SGCZ: variants seen among roughly 807,000 people sequenced by gnomAD.
SGCZ encodes the protein sarcoglycan zeta.
A neutral mutation model predicts 41.3 loss-of-function variants in SGCZ; 40 were observed. The observed-to-expected ratio is 0.97, with a 90% CI of 0.75 to 1.26. The LOEUF (loss-of-function observed/expected upper bound fraction) is 1.26. SGCZ is among the 50% of genes most tolerant of loss of function. SGCZ has a pLI of 0.00. For missense variants in SGCZ, 552 were observed against 369.8 expected (o/e 1.49, Z -4.04); for synonymous variants, 206 against 137.5 (o/e 1.50, Z -3.49).
chr8:14,376,735 T>A lies in SGCZ; in HGVS notation c.235-52531A>T, dbSNP rs550660146. ...ATAAAGGTGCCATAAAAGAAGAAAA[T>A]TACCAAACAACATTACCTACAAATA... is the stretch of plus-strand genomic sequence containing the variant. On this transcript the variant is annotated intron_variant, in intron 2 of 7. Coordinates refer to ENST00000382080, the MANE Select transcript of SGCZ (RefSeq NM_139167.4). 2.2e-3 allele frequency among the ~76,000 whole-genome samples: 329 copies of A among 152,118 alleles called. 7 individuals carry two copies. The highest frequency in any genetic ancestry group is 0.018 in the South Asian group (87 of 4,814).
chr8:14,926,327 T>G (rs1799748882), intron 1 of SGCZ, among the ~76,000 whole-genome samples: 1 of 152,206 alleles, frequency 6.6e-6, no homozygotes, highest in Non-Finnish European at 1.5e-5. Flanking sequence ...AATTGTTATA[T>G]CTAATCTAGG....
chr8:15,090,591 A>G (rs1000655223), intron 1 of SGCZ, among the ~76,000 whole-genome samples: 2 of 152,192 alleles, frequency 1.3e-5, no homozygotes, highest in African/African-American at 4.8e-5. Flanking sequence ...CTATGCTCTC[A>G]TGTTAGTAAT....
chr8:14,278,043 T>G (rs1800296652), intron 3 of SGCZ, among the ~76,000 whole-genome samples: 1 of 152,134 alleles, frequency 6.6e-6, no homozygotes, highest in Non-Finnish European at 1.5e-5. Context: ...AAGACTACCT[T>G]TGTTCACAGT....
chr8:14,196,851 A>T (rs924925138), intron 4 of SGCZ, among the ~76,000 whole-genome samples: 16 of 152,218 alleles, frequency 1.1e-4, no homozygotes, highest in African/African-American at 3.9e-4. Flanking sequence ...ATGAAAACAA[A>T]ATTGAATACT....
chr8:14,826,278 G>A (rs972001217), intron 1 of SGCZ, among the ~76,000 whole-genome samples: 2 of 151,936 alleles, frequency 1.3e-5, no homozygotes, highest in African/African-American at 4.8e-5. Context: ...ATTTTTTATG[G>A]CTACATAGTA....
chr8:14,961,263 C>G lies in SGCZ; in HGVS notation c.39+276322G>C, dbSNP rs1198358504. ...ATCTCTCCGAATCCTAAATACCAGC[C>G]TAGACTCAAATGGACTGCCTACTGA... On this transcript the variant is annotated intron_variant, in intron 1 of 7. Transcript: ENST00000382080. 2.0e-5 allele frequency among the ~76,000 whole-genome samples: 3 copies of G among 152,092 alleles called. No individual in the cohort carries two copies. In the South Asian group the frequency reaches 6.2e-4, roughly 32 times the overall value.
At chr8:14,394,156 T>G (rs1210535826) in intron 2 of SGCZ, among the ~76,000 whole-genome samples, 2 of 97,588 alleles carry the variant, frequency 2.0e-5, no homozygotes, top group East Asian at 2.3e-4. Flanking sequence ...TTTTTTTTTT[T>G]TTTTTTTTTT....
chr8:14,749,283 C>T (rs1585229333), intron 1 of SGCZ, among the ~76,000 whole-genome samples: 1 of 152,128 alleles, frequency 6.6e-6, no homozygotes, highest in Non-Finnish European at 1.5e-5. Flanking sequence ...GTTAGAATGG[C>T]CGCCAGAGTT....
intron 1 of SGCZ, among the ~76,000 whole-genome samples, chr8:14,783,526 T>A (rs144222480): frequency 6.6e-6 from 1 of 152,190 alleles, no homozygotes; most frequent in East Asian, 1.9e-4. Context: ...TCACTTCTTT[T>A]CAGCTTTTCT....
chr8:14,948,294 G>A (rs1014523361), intron 1 of SGCZ, among the ~76,000 whole-genome samples: 5 of 152,068 alleles, frequency 3.3e-5, no homozygotes, highest in East Asian at 1.9e-4. Context: ...TGAGAACTGG[G>A]TATTCTCTCT....
chr8:14,733,042 G>T (rs910323195), intron 1 of SGCZ, among the ~76,000 whole-genome samples: 3 of 151,716 alleles, frequency 2.0e-5, no homozygotes, highest in East Asian at 3.9e-4. Context: ...GACGCTCAGG[G>T]TTCTATCACT....
chr8:15,186,949 T>G (rs1489022784), intron 1 of SGCZ, among the ~76,000 whole-genome samples: 1 of 152,166 alleles, frequency 6.6e-6, no homozygotes, highest in Non-Finnish European at 1.5e-5. Flanking sequence ...AATCACTTTT[T>G]TCATGATATA....
chr8:14,107,560 T>G (rs566336066), intron 6 of SGCZ, among the ~76,000 whole-genome samples: 2 of 152,344 alleles, frequency 1.3e-5, no homozygotes, highest in South Asian at 4.1e-4. Context: ...CTATTTGCCC[T>G]GTCTTTATTC....
chr8:15,059,374 T>C (rs971177812), intron 1 of SGCZ, among the ~76,000 whole-genome samples: 12 of 152,198 alleles, frequency 7.9e-5, no homozygotes, highest in African/African-American at 2.7e-4. Flanking sequence ...AAAGAGCGGA[T>C]ATGTCATTAA....
At chr8:14,999,093 C>G (rs1802318075) in intron 1 of SGCZ, among the ~76,000 whole-genome samples, 1 of 152,122 alleles carries the variant, frequency 6.6e-6, no homozygotes, top group Non-Finnish European at 1.5e-5. Context: ...GGTGTTATCT[C>G]TTACTGATTC....
At chr8:14,432,914 C>CAAAAAAAAAAAAAAAAAAAAAAAAAAA (rs767979164) in intron 2 of SGCZ, among the ~76,000 whole-genome samples, 2 of 75,632 alleles carry the variant, frequency 2.6e-5, no homozygotes, top group African/African-American at 6.2e-5. Flanking sequence ...ACTGTGTCTC[C>CAAAAAAAAAAAAAAAAAAAAAAAAAAA]AAAAAAAAAA....
chr8:14,288,669 T>A (rs1037062800), intron 3 of SGCZ, among the ~76,000 whole-genome samples: 17 of 152,202 alleles, frequency 1.1e-4, no homozygotes, highest in African/African-American at 4.1e-4. Context: ...TACCATATTT[T>A]ATCTATCCAT....
At chr8:15,014,237 A>T (rs970319988) in intron 1 of SGCZ, among the ~76,000 whole-genome samples, 1 of 152,152 alleles carries the variant, frequency 6.6e-6, no homozygotes, top group African/African-American at 2.4e-5. Flanking sequence ...TCAAAAAAGA[A>T]ATGGCTCAGC....
intron 2 of SGCZ, chr8:14,487,688 G>C (rs1225121866): frequency 6.6e-6 from 1 of 152,214 alleles, no homozygotes; most frequent in Non-Finnish European, 1.5e-5. Flanking sequence ...TCTTTGGCCA[G>C]GTGCCTGAGG....
Sources: allele counts gnomAD v4.1 joint callset (sites outside exome capture counted in the v4.1 genomes callset), GRCh38; gene constraint gnomAD v4.1.1; transcripts MANE v1.5; gene names NCBI Gene and HGNC (gene_info 2026-07-23, HGNC 2026-07-21).